CD1B: variants seen among roughly 807,000 people sequenced by gnomAD.
CD1B encodes T-cell surface glycoprotein CD1b.
A neutral mutation model predicts 39.8 loss-of-function variants in CD1B; 43 were observed. The ratio of observed to expected loss-of-function variants is 1.08; its 90% CI spans 0.85 to 1.39. CD1B has a LOEUF of 1.39. Among genes scored for constraint, CD1B ranks in the 40% most tolerant of loss-of-function variants. CD1B has a pLI of 0.00. For synonymous variants in CD1B, 192 were observed against 152.5 expected (o/e 1.26, Z -1.91); for missense variants, 495 against 403.8 (o/e 1.23, Z -1.94).
the CD1B span, among the ~76,000 whole-genome samples, chr1:158,286,947 C>A: frequency 3.3e-5 from 5 of 152,144 alleles, no homozygotes; most frequent in African/African-American, 1.2e-4. Flanking sequence ...CCTCCTACTG[C>A]CCTTTACCTC....
At position 158,328,159 on chromosome 1, in the gene CD1B, G is replaced by A; in HGVS notation, c.*77C>T. The A allele has an allele frequency of 9.6e-7, 1 of 1,039,720 alleles. No homozygotes were observed. Among genetic ancestry groups the A allele is most frequent in the East Asian group, 2.4e-5 (1 of 41,870 alleles). 64.4% of individuals were successfully genotyped at this position (1,039,720 alleles called of 1,614,324 possible). On this transcript the variant is annotated 3_prime_UTR_variant, in exon 6 of 6. Coordinates refer to ENST00000368168, the MANE Select transcript of CD1B (RefSeq NM_001764.3). ...CAAATTTGAAAATCATTTGAAATAT[G>A]ATAAGATTGACTTTTGGGCTGATAT...
At chr1:158,310,821 T>C in the CD1B span, among the ~76,000 whole-genome samples, 1 of 152,130 alleles carries the variant, frequency 6.6e-6, no homozygotes, top group South Asian at 2.1e-4. Flanking sequence ...TAACAGATTC[T>C]AGCAAGGTTG....
downstream of CD1B, among the ~76,000 whole-genome samples, chr1:158,326,841 G>T (rs1474383859): frequency 6.6e-6 from 1 of 151,912 alleles, no homozygotes; most frequent in Non-Finnish European, 1.5e-5. Context: ...CTGTCACCCA[G>T]GCTGGAGTGC....
the CD1B span, among the ~76,000 whole-genome samples, chr1:158,301,496 C>G: frequency 1.8e-3 from 280 of 152,208 alleles, no homozygotes; most frequent in Admixed American, 3.4e-3. Context: ...GTGACAAAAT[C>G]TCTTAGCATT....
chr1:158,294,590 T>C, the CD1B span, among the ~76,000 whole-genome samples: 1 of 152,246 alleles, frequency 6.6e-6, no homozygotes, highest in South Asian at 2.1e-4. Context: ...TTGATAATTA[T>C]ATAAGCCCAT....
At chr1:158,294,516 T>C in the CD1B span, among the ~76,000 whole-genome samples, 1 of 152,168 alleles carries the variant, frequency 6.6e-6, no homozygotes, top group Admixed American at 6.5e-5. Flanking sequence ...AAATTTTAAA[T>C]AGATTTTATT....
the CD1B span, chr1:158,293,443 G>A: frequency 3.1e-6 from 5 of 1,613,540 alleles, no homozygotes; most frequent in Non-Finnish European, 4.2e-6. Context: ...TCCCATTCCT[G>A]TTCCTTCACA....
the CD1B span, among the ~76,000 whole-genome samples, chr1:158,306,284 T>G: frequency 2.6e-5 from 4 of 152,150 alleles, no homozygotes; most frequent in African/African-American, 9.7e-5. Flanking sequence ...GCAAACCTAG[T>G]CTCTGATAAA....
At chr1:158,306,290 A>T in the CD1B span, among the ~76,000 whole-genome samples, 1 of 152,232 alleles carries the variant, frequency 6.6e-6, no homozygotes, top group African/African-American at 2.4e-5. Flanking sequence ...CTAGTCTCTG[A>T]TAAAACAGAC....
chr1:158,325,022 A>G (rs754136643), downstream of CD1B, among the ~76,000 whole-genome samples: 33 of 152,308 alleles, frequency 2.2e-4, no homozygotes, highest in African/African-American at 7.5e-4. Flanking sequence ...GGAGAATGCC[A>G]TATAAAGCAT....
the CD1B span, among the ~76,000 whole-genome samples, chr1:158,318,547 CTG>C: frequency 2.4e-4 from 37 of 152,078 alleles, no homozygotes; most frequent in African/African-American, 8.7e-4. Context: ...TATTTTTAGC[CTG>C]TGTGTGTCTC....
chr1:158,304,091 G>A, the CD1B span, among the ~76,000 whole-genome samples: 1 of 152,082 alleles, frequency 6.6e-6, no homozygotes, highest in African/African-American at 2.4e-5. Context: ...CAGAAAGTGG[G>A]TGCAGGACAG....
chr1:158,307,933 G>T, the CD1B span, among the ~76,000 whole-genome samples: 4 of 152,190 alleles, frequency 2.6e-5, no homozygotes, highest in Non-Finnish European at 5.9e-5. Flanking sequence ...ACAAGACAGG[G>T]ATGCCCTCTC....
the CD1B span, among the ~76,000 whole-genome samples, chr1:158,287,528 C>G: frequency 6.6e-6 from 1 of 151,976 alleles, no homozygotes; most frequent in Non-Finnish European, 1.5e-5. Context: ...CACAAACTTT[C>G]AGTCCATAAC....
At chr1:158,311,668 T>C in the CD1B span, among the ~76,000 whole-genome samples, 1 of 152,184 alleles carries the variant, frequency 6.6e-6, no homozygotes, top group Non-Finnish European at 1.5e-5. Flanking sequence ...TTCATTTGAT[T>C]TTGTATATGG....
chr1:158,320,756 T>G, the CD1B span, among the ~76,000 whole-genome samples: 1 of 152,196 alleles, frequency 6.6e-6, no homozygotes, highest in African/African-American at 2.4e-5. Context: ...CTTTTTGATT[T>G]TTTTCACTGA....
chr1:158,331,501 C>G lies in CD1B; in HGVS notation c.-78G>C. ...TTCAGCAAAGCTTTTCCTCAGTACC[C>G]TGTAGTGACTTCTTCTCTCTTCCAA... On this transcript the variant is annotated 5_prime_UTR_variant, in exon 1 of 6. Transcript: ENST00000368168. The G allele has an allele frequency of 8.8e-7, 1 of 1,136,188 alleles. No homozygotes were observed. Among genetic ancestry groups the G allele is most frequent in the Non-Finnish European group, 1.3e-6 (1 of 758,976 alleles). 70.4% of individuals were successfully genotyped at this position (1,136,188 alleles called of 1,614,324 possible). A position where few individuals can be genotyped will look rare whatever the true frequency, so the allele number is the denominator to read the frequency against.
the CD1B span, among the ~76,000 whole-genome samples, chr1:158,285,485 AAGAT>A: frequency 6.6e-6 from 1 of 152,204 alleles, no homozygotes; most frequent in African/African-American, 2.4e-5. Flanking sequence ...AATTGGTGAT[AAGAT>A]AGAGAGGAGA....
the CD1B span, among the ~76,000 whole-genome samples, chr1:158,315,502 T>C: frequency 6.6e-6 from 1 of 151,748 alleles, no homozygotes; most frequent in Non-Finnish European, 1.5e-5. Flanking sequence ...TTTGATGGGG[T>C]TGTTTGTTTT....
Sources: allele counts gnomAD v4.1 joint callset (sites outside exome capture counted in the v4.1 genomes callset), GRCh38; gene constraint gnomAD v4.1.1; transcripts MANE v1.5; gene names NCBI Gene and HGNC (gene_info 2026-07-23, HGNC 2026-07-21).